ATF6: variants seen among roughly 807,000 people sequenced by gnomAD.
The protein encoded by ATF6 is cyclic AMP-dependent transcription factor ATF-6 alpha.
ATF6 carries 53 observed loss-of-function variants against 83.6 expected under a neutral mutation model. That is an observed-to-expected ratio of 0.63 (90% CI 0.51 to 0.80). The LOEUF (loss-of-function observed/expected upper bound fraction) is 0.80, where lower values mean the gene tolerates loss of function less well. Among genes scored for constraint, ATF6 ranks in the 30% least tolerant of loss-of-function variants. ATF6 has a pLI of 0.00. For missense variants in ATF6, 744 were observed against 797.9 expected (o/e 0.93, Z 0.81); for synonymous variants, 288 against 285.8 (o/e 1.01, Z -0.08).
intron 9 of ATF6, among the ~76,000 whole-genome samples, chr1:161,828,132 A>G (rs780581580): frequency 1.3e-5 from 2 of 151,978 alleles, no homozygotes; most frequent in Non-Finnish European, 2.9e-5. Context: ...TTTTTTTTAA[A>G]TTATCACTAC....
chr1:161,829,169 C>T (rs2101796721), intron 9 of ATF6, among the ~76,000 whole-genome samples: 1 of 148,440 alleles, frequency 6.7e-6, no homozygotes, highest in Admixed American at 7.1e-5. Flanking sequence ...CTTAGACTCC[C>T]ACACAATCAT....
chr1:161,852,693 T>C (rs923673222), intron 11 of ATF6, among the ~76,000 whole-genome samples: 2 of 152,084 alleles, frequency 1.3e-5, no homozygotes, highest in Non-Finnish European at 2.9e-5. Context: ...GCTCACCGCT[T>C]CCCCAAACTC....
chr1:161,903,225 T>G (rs1277361533), intron 14 of ATF6, among the ~76,000 whole-genome samples: 1 of 152,226 alleles, frequency 6.6e-6, no homozygotes, highest in Non-Finnish European at 1.5e-5. Context: ...GTGCTTCAAT[T>G]ATTTTTCTCC....
intron 15 of ATF6, among the ~76,000 whole-genome samples, chr1:161,942,143 T>G (rs1397497730): frequency 2.0e-5 from 3 of 152,200 alleles, no homozygotes; most frequent in African/African-American, 7.2e-5. Flanking sequence ...GTATTAACAG[T>G]AGAAACACTC....
At chr1:161,776,319 A>G (rs1054765902) in intron 1 of ATF6, among the ~76,000 whole-genome samples, 10 of 152,310 alleles carry the variant, frequency 6.6e-5, no homozygotes, top group Admixed American at 5.9e-4. Context: ...GCATGCTGGC[A>G]TCTTTGCTGG....
At chr1:161,801,850 A>G (rs1685155917) in intron 6 of ATF6, among the ~76,000 whole-genome samples, 1 of 152,176 alleles carries the variant, frequency 6.6e-6, no homozygotes, top group Admixed American at 6.5e-5. Context: ...ACTCAAAGAG[A>G]TGAATTTAGT....
intron 14 of ATF6, among the ~76,000 whole-genome samples, chr1:161,911,897 C>T (rs1181076072): frequency 6.6e-6 from 1 of 152,154 alleles, no homozygotes. Flanking sequence ...GTCTAGCCCC[C>T]ATCATTTTAC....
At chr1:161,820,982 C>T (rs533520427) in intron 8 of ATF6, 88 bp from the exon 9 acceptor site, 14 of 814,028 alleles carry the variant, frequency 1.7e-5, no homozygotes, top group African/African-American at 3.6e-5. Flanking sequence ...TTTACGTAAC[C>T]GGTAAAGAGG....
At chr1:161,921,590 G>A (rs1688213306) in intron 15 of ATF6, among the ~76,000 whole-genome samples, 1 of 152,158 alleles carries the variant, frequency 6.6e-6, no homozygotes. Context: ...ATGATTTTGA[G>A]ACCAGACCAC....
chr1:161,957,196 A>G (rs1173658341), intron 15 of ATF6, among the ~76,000 whole-genome samples: 1 of 152,186 alleles, frequency 6.6e-6, no homozygotes, highest in Non-Finnish European at 1.5e-5. Context: ...AGTAGAATAG[A>G]AAGAATTCTA....
chr1:161,865,299 A>G (rs1686971286), intron 14 of ATF6, among the ~76,000 whole-genome samples: 1 of 151,996 alleles, frequency 6.6e-6, no homozygotes, highest in African/African-American at 2.4e-5. Flanking sequence ...AGCTGGGACT[A>G]TAGCCGCATG....
At chr1:161,900,134 T>A (rs1687752759) in intron 14 of ATF6, among the ~76,000 whole-genome samples, 1 of 152,178 alleles carries the variant, frequency 6.6e-6, no homozygotes, top group African/African-American at 2.4e-5. Context: ...CTTACTTGTT[T>A]TTATTAGTTT....
intron 1 of ATF6, among the ~76,000 whole-genome samples, chr1:161,772,430 T>C (rs1396747682): frequency 6.6e-6 from 1 of 152,226 alleles, no homozygotes; most frequent in Non-Finnish European, 1.5e-5. Context: ...AAGTTTCTTC[T>C]ATCTTCAAAC....
intron 7 of ATF6, among the ~76,000 whole-genome samples, chr1:161,818,418 G>A (rs1685669323): frequency 6.6e-6 from 1 of 151,968 alleles, no homozygotes; most frequent in Non-Finnish European, 1.5e-5. Flanking sequence ...AGATATTGTT[G>A]GTATTAAACA....
intron 15 of ATF6, 59 bp downstream of exon 15, chr1:161,912,439 CTTCA>C: frequency 8.6e-7 from 1 of 1,163,178 alleles, no homozygotes; most frequent in Admixed American, 2.1e-5. Context: ...CCAGGATTCT[CTTCA>C]TTAGTTCAAA....
chr1:161,891,473 G>A (rs1169079845), intron 14 of ATF6: 1 of 152,302 alleles, frequency 6.6e-6, no homozygotes, highest in Non-Finnish European at 1.5e-5. Flanking sequence ...ACAACACCCA[G>A]GCCAAGTTGG....
chr1:161,936,769 A>G (rs549589244), intron 15 of ATF6, among the ~76,000 whole-genome samples: 1 of 152,314 alleles, frequency 6.6e-6, no homozygotes, highest in East Asian at 1.9e-4. Flanking sequence ...TGAACTCCAA[A>G]TGCATGTAAC....
chr1:161,836,779 C>T (rs1432844342), intron 9 of ATF6, among the ~76,000 whole-genome samples: 3 of 152,152 alleles, frequency 2.0e-5, no homozygotes, highest in Non-Finnish European at 4.4e-5. Context: ...TACCTTGTAT[C>T]ACTTGGCTAC....
At chr1:161,875,202 A>C (rs1478056959) in intron 14 of ATF6, among the ~76,000 whole-genome samples, 1 of 151,804 alleles carries the variant, frequency 6.6e-6, no homozygotes, top group Non-Finnish European at 1.5e-5. Context: ...AGGAAGGACT[A>C]TTTTAAAAGC....
Sources: gnomAD v4.1 joint callset for allele counts (sites outside exome capture counted in the v4.1 genomes callset) on GRCh38, gnomAD v4.1.1 for gene constraint, MANE v1.5 for transcripts, NCBI Gene and HGNC (gene_info 2026-07-23, HGNC 2026-07-21) for gene names.